The following CA10 variants were observed in gnomAD, a reference collection of about 807,000 sequenced individuals.
CA10 encodes the protein carbonic anhydrase-related protein 10.
A neutral mutation model predicts 44.2 loss-of-function variants in CA10; 14 were observed. That is an observed-to-expected ratio of 0.32 (90% confidence interval 0.21 to 0.50). CA10 has a LOEUF of 0.50. Ranked by LOEUF, CA10 falls within the 20% of genes least tolerant of loss-of-function variation. The pLI is 0.99. For missense variants in CA10, 350 were observed against 409.7 expected, an observed-to-expected ratio of 0.85 and a Z score of 1.26; for synonymous variants, 159 against 141.6, an observed-to-expected ratio of 1.12 and a Z score of -0.87.
chr17:51,784,750 C>T (rs1906195841), intron 3 of CA10, among the ~76,000 whole-genome samples: 1 of 152,200 alleles, frequency 6.6e-6, no homozygotes, highest in African/African-American at 2.4e-5. Flanking sequence ...GTATCCATCC[C>T]CTCAAGCACT....
chr17:51,763,224 C>G (rs1054524446), intron 3 of CA10: 1 of 152,246 alleles, frequency 6.6e-6, no homozygotes, highest in African/African-American at 2.4e-5. Context: ...GCAATGGTTA[C>G]ATCAGCCAGT....
At chr17:51,675,162 A>G (rs992469182) in intron 4 of CA10, among the ~76,000 whole-genome samples, 3 of 152,218 alleles carry the variant, frequency 2.0e-5, no homozygotes, top group African/African-American at 7.2e-5. Context: ...AGGAGGGAAA[A>G]GCATAGTCCC....
intron 1 of CA10, among the ~76,000 whole-genome samples, chr17:52,112,921 C>A (rs920524095): frequency 6.6e-6 from 1 of 152,146 alleles, no homozygotes; most frequent in African/African-American, 2.4e-5. Flanking sequence ...AGCAGCTGCG[C>A]AGAAGGGAAG....
At chr17:51,707,243 G>A (rs1295741413) in intron 4 of CA10, among the ~76,000 whole-genome samples, 2 of 152,138 alleles carry the variant, frequency 1.3e-5, no homozygotes, top group Non-Finnish European at 2.9e-5. Flanking sequence ...TAAGGTTAGT[G>A]TGGGCCAGGC....
chr17:51,896,076 TTTTTA>T (rs1229301942), intron 3 of CA10, among the ~76,000 whole-genome samples: 2 of 151,822 alleles, frequency 1.3e-5, no homozygotes, highest in African/African-American at 4.9e-5. Flanking sequence ...AATGCACAGA[TTTTTA>T]TTTATTTATT....
intron 4 of CA10, among the ~76,000 whole-genome samples, chr17:51,738,664 T>G (rs1386988414): frequency 1.3e-5 from 2 of 152,288 alleles, no homozygotes; most frequent in South Asian, 2.1e-4. Context: ...ATGGCTTATG[T>G]TTTGTGAAAT....
At chr17:51,730,892 T>C (rs1356967562) in intron 4 of CA10, among the ~76,000 whole-genome samples, 3 of 113,662 alleles carry the variant, frequency 2.6e-5, no homozygotes, top group Non-Finnish European at 5.6e-5. Flanking sequence ...AAAAGATAAG[T>C]CAACACAGGG....
intron 4 of CA10, among the ~76,000 whole-genome samples, chr17:51,695,442 G>C (rs984310128): frequency 6.6e-6 from 1 of 152,096 alleles, no homozygotes; most frequent in African/African-American, 2.4e-5. Flanking sequence ...TATTGTAAGA[G>C]GGATTGTGTT....
At chr17:51,865,078 T>C (rs528146183) in intron 3 of CA10, among the ~76,000 whole-genome samples, 2 of 152,268 alleles carry the variant, frequency 1.3e-5, no homozygotes, top group South Asian at 4.2e-4. Context: ...TCTGAGGTCC[T>C]TTAATTCAAA....
intron 1 of CA10, among the ~76,000 whole-genome samples, chr17:52,131,484 A>T (rs1000284148): frequency 6.6e-6 from 1 of 152,216 alleles, no homozygotes; most frequent in African/African-American, 2.4e-5. Context: ...AACTATATGC[A>T]GAAAGTATTT....
intron 3 of CA10, among the ~76,000 whole-genome samples, chr17:51,890,251 G>A (rs553247077): frequency 6.6e-6 from 1 of 152,292 alleles, no homozygotes; most frequent in South Asian, 2.1e-4. Context: ...TAGGCAGGGT[G>A]TGTAGAATCT....
chr17:51,962,486 CTAGAGG>C (rs1223805006), intron 2 of CA10, among the ~76,000 whole-genome samples: 8 of 152,166 alleles, frequency 5.3e-5, no homozygotes, highest in African/African-American at 1.9e-4. Flanking sequence ...GAGCCCATTG[CTAGAGG>C]TAGAAGCTAG....
chr17:51,774,147 G>A (rs1250041835), intron 3 of CA10, among the ~76,000 whole-genome samples: 5 of 152,100 alleles, frequency 3.3e-5, no homozygotes, highest in Middle Eastern at 3.2e-3. Context: ...GAATAATCAC[G>A]TTGTCATGCC....
chr17:51,683,183 C>G (rs900705538), intron 4 of CA10, among the ~76,000 whole-genome samples: 2 of 152,154 alleles, frequency 1.3e-5, no homozygotes, highest in African/African-American at 4.8e-5. Context: ...ATGGTGCCTC[C>G]TTAGAAATGA....
chr17:51,811,191 A>G (rs983288109), intron 3 of CA10, among the ~76,000 whole-genome samples: 1 of 30,410 alleles, frequency 3.3e-5, no homozygotes, highest in Non-Finnish European at 4.9e-5. Context: ...CTCCATCTCG[A>G]AAAAAAAAAA....
rs746658958 is a variant in CA10, at chr17:51,747,750, G to A, written c.348C>T (p.Asn116=). ...TGTATGTCATGGGCCCTCCAGATAT[G>A]TTGACCAAGTGCTCCTTGTCCAGGC... The part of the protein sequence containing the change: ...SLRLDKEHLV[N]ISGGPMTYSH... The change falls in exon 4 of 9, where the codon AAC becomes AAT. Residue 116 remains asparagine (N), a synonymous_variant. Coordinates refer to ENST00000451037, the MANE Select transcript of CA10 (RefSeq NM_020178.5). 1.2e-6 allele frequency: 2 copies of A among 1,614,038 alleles called. No individual in the cohort carries two copies. The highest frequency in any genetic ancestry group is 1.7e-6 in the Non-Finnish European group (2 of 1,179,988).
chr17:51,738,003 T>G (rs1916969519), intron 4 of CA10, among the ~76,000 whole-genome samples: 1 of 152,140 alleles, frequency 6.6e-6, no homozygotes, highest in African/African-American at 2.4e-5. Flanking sequence ...TCCAACCAAT[T>G]CTGAATATGA....
chr17:51,783,150 AT>A (rs530962535), intron 3 of CA10, among the ~76,000 whole-genome samples: 2,008 of 151,754 alleles, frequency 0.013, 58 homozygotes, highest in African/African-American at 0.046. Flanking sequence ...AAGAGAAATG[AT>A]TTTTTTTTCT....
At chr17:51,912,099 A>G (rs545240278) in intron 3 of CA10, among the ~76,000 whole-genome samples, 4 of 152,334 alleles carry the variant, frequency 2.6e-5, no homozygotes, top group African/African-American at 9.6e-5. Context: ...TGTTATATGT[A>G]GCACCGTTAC....
Sources: allele counts gnomAD v4.1 joint callset (sites outside exome capture counted in the v4.1 genomes callset), GRCh38; gene constraint gnomAD v4.1.1; transcripts MANE v1.5; gene names NCBI Gene and HGNC (gene_info 2026-07-23, HGNC 2026-07-21).